SPTLC3: variants seen among roughly 807,000 people sequenced by gnomAD.
The protein encoded by SPTLC3 is serine palmitoyltransferase long chain base subunit 3, also known as serine palmitoyltransferase 3.
SPTLC3 carries 36 observed loss-of-function variants against 59.3 expected under a neutral mutation model. The observed-to-expected ratio is 0.61, with a 90% CI of 0.47 to 0.80. The LOEUF (loss-of-function observed/expected upper bound fraction) is 0.80. Among genes scored for constraint, SPTLC3 ranks in the 30% least tolerant of loss-of-function variants. The pLI, the probability that SPTLC3 is intolerant of heterozygous loss-of-function variation, is 0.00. For missense variants in SPTLC3, 625 were observed against 685.1 expected, an observed-to-expected ratio of 0.91 and a Z score of 0.98; for synonymous variants, 257 against 240.8, an observed-to-expected ratio of 1.07 and a Z score of -0.62.
chr20:13,028,076 G>T (rs1600214440), intron 1 of SPTLC3, among the ~76,000 whole-genome samples: 1 of 152,168 alleles, frequency 6.6e-6, no homozygotes, highest in Non-Finnish European at 1.5e-5. Context: ...CAAGGCAGAG[G>T]CATTGATGAC....
intron 1 of SPTLC3, among the ~76,000 whole-genome samples, chr20:13,019,450 A>T (rs566517891): frequency 6.6e-6 from 1 of 152,226 alleles, no homozygotes; most frequent in East Asian, 1.9e-4. Context: ...TGGCTCAGAG[A>T]ATTTGGCTCG....
chr20:13,117,735 G>T lies in SPTLC3; in HGVS notation c.1152+10G>T. 6.2e-7 allele frequency: 1 copy of T among 1,600,386 alleles called. No individual in the cohort carries two copies. The highest frequency in any genetic ancestry group is 8.5e-7 in the Non-Finnish European group (1 of 1,174,244). On this transcript the variant is annotated intron_variant, in intron 8 of 11. Transcript: ENST00000399002. Reference sequence around the variant, plus strand: ...CATAGCTGGAAGGAAGGTAAGAGAGGGCCTGCTTGTGTCTGTTTAAAACCT... The same window carrying T: ...CATAGCTGGAAGGAAGGTAAGAGAGTGCCTGCTTGTGTCTGTTTAAAACCT...
Position 13,074,345 on chromosome 20 carries a change from A to G in SPTLC3, c.459-4A>G. 6.2e-7 allele frequency: 1 copy of G among 1,613,534 alleles called. No homozygotes were observed. The highest frequency in any genetic ancestry group is 1.1e-5 in the South Asian group (1 of 91,018). ...TATGTGCTCATTTACATGTTTCCCC[A>G]CAGGTTTACTGGAAGAGTCATCAAA... On this transcript the variant is annotated splice_region_variant and splice_polypyrimidine_tract_variant and intron_variant, in intron 3 of 11. Transcript: ENST00000399002.
chr20:13,021,099 G>C (rs1462972105), intron 1 of SPTLC3, among the ~76,000 whole-genome samples: 1 of 152,080 alleles, frequency 6.6e-6, no homozygotes, highest in East Asian at 1.9e-4. Flanking sequence ...TACTTGACCT[G>C]TCTGCAGCAT....
chr20:13,135,330 A>G (rs2038217141), intron 9 of SPTLC3, among the ~76,000 whole-genome samples: 2 of 152,172 alleles, frequency 1.3e-5, no homozygotes, highest in African/African-American at 2.4e-5. Flanking sequence ...GGTCTCTCCT[A>G]TAATTATGTG....
At chr20:13,058,369 G>A (rs1030794538) in intron 2 of SPTLC3, among the ~76,000 whole-genome samples, 19 of 151,482 alleles carry the variant, frequency 1.3e-4, no homozygotes, top group African/African-American at 4.7e-4. Context: ...GACCTGCATA[G>A]ATCCGAACCC....
intron 1 of SPTLC3, among the ~76,000 whole-genome samples, chr20:13,015,464 G>A (rs1320907016): frequency 6.6e-6 from 1 of 152,122 alleles, no homozygotes; most frequent in East Asian, 1.9e-4. Flanking sequence ...AATTGGAAGG[G>A]AGTATGAAAA....
intron 4 of SPTLC3, among the ~76,000 whole-genome samples, chr20:13,086,101 C>A (rs188163988): frequency 1.3e-5 from 2 of 152,078 alleles, no homozygotes; most frequent in African/African-American, 4.8e-5. Flanking sequence ...ATTATAACTA[C>A]GCTTTCTTAG....
chr20:13,135,365 C>G (rs2038217860), intron 9 of SPTLC3, among the ~76,000 whole-genome samples: 1 of 152,188 alleles, frequency 6.6e-6, no homozygotes, highest in Admixed American at 6.5e-5. Flanking sequence ...CATGCTATAA[C>G]AGTCACCCTC....
chr20:13,134,124 T>C (rs2038188981), intron 9 of SPTLC3, among the ~76,000 whole-genome samples: 1 of 152,204 alleles, frequency 6.6e-6, no homozygotes, highest in Admixed American at 6.5e-5. Flanking sequence ...CAGGTGCAGC[T>C]ACCATATAAC....
At chr20:13,058,569 T>G (rs1236943278) in intron 2 of SPTLC3, among the ~76,000 whole-genome samples, 4 of 152,112 alleles carry the variant, frequency 2.6e-5, no homozygotes, top group Non-Finnish European at 5.9e-5. Context: ...GCAGCCTTGG[T>G]AGTGGGGGGT....
At chr20:13,147,714 T>A (rs1213065050) in intron 9 of SPTLC3, among the ~76,000 whole-genome samples, 2 of 152,222 alleles carry the variant, frequency 1.3e-5, no homozygotes, top group Non-Finnish European at 2.9e-5. Context: ...TTCCCATCTC[T>A]AAAGACAAGG....
intron 6 of SPTLC3, among the ~76,000 whole-genome samples, chr20:13,094,862 C>T (rs1989358320): frequency 6.6e-6 from 1 of 152,138 alleles, no homozygotes; most frequent in Admixed American, 6.6e-5. Flanking sequence ...AACTATGGCC[C>T]CCTCAGACTT....
intron 1 of SPTLC3, among the ~76,000 whole-genome samples, chr20:13,043,352 TGACTTTTCTTTTCAAG>T (rs1378626356): frequency 6.6e-6 from 1 of 152,204 alleles, no homozygotes; most frequent in Non-Finnish European, 1.5e-5. Context: ...ATTCTCACCC[TGACTTTTCTTTTCAAG>T]GACTAACCTA....
At chr20:13,067,333 A>C (rs1034889403) in intron 2 of SPTLC3, among the ~76,000 whole-genome samples, 26 of 152,068 alleles carry the variant, frequency 1.7e-4, no homozygotes, top group African/African-American at 6.0e-4. Context: ...CTCACCTTGA[A>C]TGTCAGCTTG....
chr20:13,024,126 A>G (rs1239214505), intron 1 of SPTLC3, among the ~76,000 whole-genome samples: 1 of 152,228 alleles, frequency 6.6e-6, no homozygotes, highest in Non-Finnish European at 1.5e-5. Context: ...CAACCACGTG[A>G]GGTTGATACT....
intron 1 of SPTLC3, among the ~76,000 whole-genome samples, chr20:13,044,134 C>T (rs1230214520): frequency 6.9e-6 from 1 of 145,816 alleles, no homozygotes; most frequent in Admixed American, 7.0e-5. Context: ...GAGTCTTGCT[C>T]TGTCACCCAG....
At chr20:13,107,536 T>C (rs954698139) in intron 6 of SPTLC3, among the ~76,000 whole-genome samples, 8 of 152,276 alleles carry the variant, frequency 5.3e-5, no homozygotes, top group African/African-American at 1.2e-4. Flanking sequence ...GGTAATATTA[T>C]GTGAAAAGAA....
At chr20:13,045,818 A>G (rs1264478462) in intron 1 of SPTLC3, among the ~76,000 whole-genome samples, 2 of 152,094 alleles carry the variant, frequency 1.3e-5, no homozygotes, top group Admixed American at 1.3e-4. Flanking sequence ...GCATCTAGGT[A>G]GACCATCTGT....
Sources: allele counts gnomAD v4.1 joint callset (sites outside exome capture counted in the v4.1 genomes callset), GRCh38; gene constraint gnomAD v4.1.1; transcripts MANE v1.5; gene names NCBI Gene and HGNC (gene_info 2026-07-23, HGNC 2026-07-21).